The following CCSER1 variants were observed in gnomAD, a reference collection of about 807,000 sequenced individuals.
CCSER1 encodes coiled-coil serine rich protein 1.
CCSER1 carries 41 observed loss-of-function variants against 82.0 expected under a neutral mutation model. The ratio of observed to expected loss-of-function variants is 0.50; its 90% confidence interval spans 0.39 to 0.65. The LOEUF (loss-of-function observed/expected upper bound fraction) is 0.65. Among genes scored for constraint, CCSER1 ranks in the 30% least tolerant of loss-of-function variants. The pLI is 0.00. For missense variants in CCSER1, 1,119 were observed against 1,064.2 expected (o/e 1.05, Z -0.72); for synonymous variants, 414 against 383.9 (o/e 1.08, Z -0.92).
chr4:91,594,313 G>GTA (rs1560788259), intron 10 of CCSER1, among the ~76,000 whole-genome samples: 1 of 147,816 alleles, frequency 6.8e-6, no homozygotes, highest in East Asian at 2.0e-4. Context: ...ATGTATATGT[G>GTA]TATATATACA....
intron 8 of CCSER1, among the ~76,000 whole-genome samples, chr4:90,835,237 A>G (rs934662453): frequency 1.3e-5 from 2 of 152,194 alleles, no homozygotes; most frequent in Admixed American, 6.5e-5. Context: ...AGGCTGAGGC[A>G]GGAGAATGGC....
intron 9 of CCSER1, among the ~76,000 whole-genome samples, chr4:90,925,777 A>G (rs550380385): frequency 6.6e-6 from 1 of 152,278 alleles, no homozygotes; most frequent in African/African-American, 2.4e-5. Context: ...TGTTACAGTG[A>G]TAGTTTAATG....
chr4:90,348,275 T>TA (rs1043556975), intron 3 of CCSER1, among the ~76,000 whole-genome samples: 2 of 151,698 alleles, frequency 1.3e-5, no homozygotes, highest in African/African-American at 2.4e-5. Flanking sequence ...AAATAAAAGT[T>TA]AAAAAAAAGG....
chr4:90,951,435 T>C (rs925353954), intron 9 of CCSER1: 4 of 152,034 alleles, frequency 2.6e-5, no homozygotes, highest in African/African-American at 9.7e-5. Context: ...TGTGAAAAAG[T>C]AAGGAAACTT....
Position 90,851,161 on chromosome 4 carries a change from T to C in CCSER1, c.2094+35316T>C, listed in dbSNP as rs570187947. Reference sequence around the variant, plus strand: ...TAGGCATGTGAAACTGTGAGTAAATTAAATCTTTTTTCTTTATAAATTACC... The same window carrying C: ...TAGGCATGTGAAACTGTGAGTAAATCAAATCTTTTTTCTTTATAAATTACC... On this transcript the variant is annotated intron_variant, in intron 8 of 10. Coordinates refer to ENST00000509176, the MANE Select transcript of CCSER1 (RefSeq NM_001145065.2). Among the ~76,000 whole-genome samples the C allele has an allele frequency of 1.1e-3, 162 of 152,306 alleles. 2 individuals carry two copies. Among genetic ancestry groups the C allele is most frequent in the Admixed American group, 7.6e-3 (117 of 15,300 alleles).
At chr4:91,560,451 A>G (rs975190675) in intron 10 of CCSER1, among the ~76,000 whole-genome samples, 5 of 151,548 alleles carry the variant, frequency 3.3e-5, no homozygotes, top group Non-Finnish European at 7.4e-5. Context: ...ACATACAGTA[A>G]TATTATTCTT....
chr4:91,236,788 G>A (rs1739044275), intron 10 of CCSER1, among the ~76,000 whole-genome samples: 1 of 152,180 alleles, frequency 6.6e-6, no homozygotes, highest in African/African-American at 2.4e-5. Context: ...TCAAAGAATA[G>A]GAGAAGGCTT....
chr4:91,212,971 A>G (rs4637360), intron 10 of CCSER1, among the ~76,000 whole-genome samples: 14,076 of 152,166 alleles, frequency 0.093, 912 homozygotes, highest in Non-Finnish European at 0.14. Flanking sequence ...GCTCCCACTT[A>G]TAAGTGAGAA....
At chr4:90,861,920 A>ATTTT (rs1561265168) in intron 8 of CCSER1, among the ~76,000 whole-genome samples, 1 of 131,782 alleles carries the variant, frequency 7.6e-6, no homozygotes, top group South Asian at 2.6e-4. Context: ...ATATATATAT[A>ATTTT]TATATATTTT....
chr4:91,349,002 G>A (rs796145274), intron 10 of CCSER1, among the ~76,000 whole-genome samples: 3 of 151,970 alleles, frequency 2.0e-5, no homozygotes, highest in South Asian at 4.2e-4. Flanking sequence ...TCCGCCTCCC[G>A]GGTTCACGCC....
chr4:91,184,655 C>G (rs1447433156), intron 10 of CCSER1, among the ~76,000 whole-genome samples: 1 of 152,192 alleles, frequency 6.6e-6, no homozygotes, highest in Non-Finnish European at 1.5e-5. Context: ...ATTGGCTTAT[C>G]TGTTAACCAT....
intron 5 of CCSER1, among the ~76,000 whole-genome samples, chr4:90,596,290 A>G (rs1255221588): frequency 6.6e-6 from 1 of 151,996 alleles, no homozygotes; most frequent in Non-Finnish European, 1.5e-5. Flanking sequence ...TGTTAATTAT[A>G]TAATAGAAAA....
chr4:91,587,997 G>C (rs1251777441), intron 10 of CCSER1, among the ~76,000 whole-genome samples: 9 of 151,338 alleles, frequency 5.9e-5, no homozygotes, highest in Non-Finnish European at 1.2e-4. Context: ...TTAATAAAAT[G>C]AAAATAATTG....
chr4:90,632,699 G>A (rs1198221467), intron 6 of CCSER1, among the ~76,000 whole-genome samples: 1 of 152,064 alleles, frequency 6.6e-6, no homozygotes, highest in Non-Finnish European at 1.5e-5. Flanking sequence ...TACTGGAAAA[G>A]CACTGGGTTA....
At chr4:90,209,537 T>C (rs965554736) in intron 1 of CCSER1, among the ~76,000 whole-genome samples, 2 of 152,180 alleles carry the variant, frequency 1.3e-5, no homozygotes, top group Admixed American at 6.5e-5. Context: ...GAGGGGCCCA[T>C]GACCTTTGCC....
intron 10 of CCSER1, among the ~76,000 whole-genome samples, chr4:91,547,177 G>A (rs1180907538): frequency 1.3e-5 from 2 of 151,814 alleles, no homozygotes; most frequent in Non-Finnish European, 2.9e-5. Context: ...CTTGGAAAAT[G>A]CTCCATATGA....
intron 1 of CCSER1, among the ~76,000 whole-genome samples, chr4:90,278,889 C>T (rs1462999083): frequency 1.3e-5 from 2 of 151,982 alleles, no homozygotes; most frequent in Non-Finnish European, 2.9e-5. Flanking sequence ...AGTTTGCTCT[C>T]TTTCATTGGT....
Position 90,961,746 on chromosome 4 carries a change from A to G in CCSER1, c.2172+38299A>G, listed in dbSNP as rs72882884. 6.7e-3 allele frequency among the ~76,000 whole-genome samples: 1,013 copies of G among 152,170 alleles called. 10 individuals carry two copies. The highest frequency in any genetic ancestry group is 0.023 in the African/African-American group (954 of 41,570). On this transcript the variant is annotated intron_variant, in intron 9 of 10. Coordinates refer to ENST00000509176, the MANE Select transcript of CCSER1 (RefSeq NM_001145065.2). ...TTAATTACTATTCAGCATGGTAGAAAAATATTGCAATTACTAAAGACTAGA... is the reference window on the plus strand; with the variant it reads ...TTAATTACTATTCAGCATGGTAGAAGAATATTGCAATTACTAAAGACTAGA...
chr4:91,425,738 G>A (rs1458776459), intron 10 of CCSER1, among the ~76,000 whole-genome samples: 2 of 152,292 alleles, frequency 1.3e-5, no homozygotes, highest in East Asian at 3.9e-4. Context: ...AGAGGGAAAT[G>A]TGGAGTTGCT....
Sources: allele counts gnomAD v4.1 joint callset (sites outside exome capture counted in the v4.1 genomes callset), GRCh38; gene constraint gnomAD v4.1.1; transcripts MANE v1.5; gene names NCBI Gene and HGNC (gene_info 2026-07-23, HGNC 2026-07-21).